Variants in CDH23 observed in about 807,000 individuals in gnomAD.
The protein encoded by CDH23 is cadherin-23.
Under a neutral mutation model 317.1 loss-of-function variants are expected in CDH23, and 189 were observed. That is an observed-to-expected ratio of 0.60 (90% CI 0.53 to 0.67). The LOEUF is 0.67. Among genes scored for constraint, CDH23 ranks in the 30% least tolerant of loss-of-function variants. The pLI is 0.00. For synonymous variants in CDH23, 1,839 were observed against 1,876.8 expected (o/e 0.98, Z 0.52); for missense variants, 4,401 against 4,592.4 (o/e 0.96, Z 1.20).
At chr10:71,664,908 T>C (rs190964693) in intron 14 of CDH23, among the ~76,000 whole-genome samples, 1,440 of 140,892 alleles carry the variant, frequency 0.01, 29 homozygotes, top group African/African-American at 0.036. Flanking sequence ...TCTTCCTTTA[T>C]CTCTCCCCCA....
Position 71,812,706 on chromosome 10 carries a change from C to T in CDH23, c.9511-62C>T. On this transcript the variant is annotated intron_variant, in intron 67 of 69. Transcript: ENST00000224721. ...GAAGCTGGGTTCTTTAAGGGGTGGC[C>T]CCCTCCCTTGTACATGTGTGTGGGG... 3 of 1,611,980 alleles carry T rather than the reference C, an allele frequency of 1.9e-6. No homozygotes were observed. The Middle Eastern group carries it at 5.0e-4, about 266-fold the overall frequency.
At chr10:71,806,030 C>T (rs371710351) in intron 56 of CDH23, 33 bp downstream of exon 56, 28 of 617,056 alleles carry the variant, frequency 4.5e-5, no homozygotes, top group East Asian at 5.6e-5. Flanking sequence ...GGGGCGGGGT[C>T]TGGGGCGGGG....
chr10:71,772,052 G>A (rs1447363473), intron 38 of CDH23, among the ~76,000 whole-genome samples: 1 of 152,188 alleles, frequency 6.6e-6, no homozygotes, highest in African/African-American at 2.4e-5. Context: ...CCTGCCATGA[G>A]CCATGGCCTT....
rs1328544420 is a variant in CDH23 at position 71,675,101 on chromosome 10, C to T, written c.1450-11C>T. The T allele has an allele frequency of 6.2e-6, 10 of 1,613,370 alleles. No homozygotes were observed. Among genetic ancestry groups the T allele is most frequent in the African/African-American group, 4.0e-5 (3 of 75,034 alleles). The stretch of plus-strand genomic sequence containing the variant: ...CCTGGCAGTAATGACTTCTTGTTCT[C>T]GCTGTTGCAGGCAACTGACAATGAT... On this transcript the variant is annotated splice_polypyrimidine_tract_variant and intron_variant, in intron 14 of 69. Coordinates refer to ENST00000224721, the MANE Select transcript of CDH23 (RefSeq NM_022124.6).
chr10:71,438,238 G>C (rs576564814), intron 1 of CDH23, among the ~76,000 whole-genome samples: 2 of 151,642 alleles, frequency 1.3e-5, no homozygotes, highest in African/African-American at 4.8e-5. Flanking sequence ...AGCTACTCGG[G>C]GGGGCTGAGG....
chr10:71,712,927 G>A, intron 28 of CDH23, 114 bp downstream of exon 28: 1 of 1,280,450 alleles, frequency 7.8e-7, no homozygotes, highest in Non-Finnish European at 1.1e-6. Flanking sequence ...GGGGGCCCAG[G>A]GTGGGTCCGC....
chr10:71,773,949 A>G (rs1010186570), intron 38 of CDH23, among the ~76,000 whole-genome samples: 2 of 151,946 alleles, frequency 1.3e-5, no homozygotes, highest in Admixed American at 6.5e-5. Flanking sequence ...GAGTGAGTAA[A>G]TGAGTGAATG....
rs746527322 is a variant in CDH23, at chr10:71,741,900, C to T, written c.4824C>T (p.Asp1608=). ...SFYHLVATVE[D]EGTPTLSATT... ...ACCACCTGGTGGCCACTGTGGAGGA[C>T]GAGGGCACCCCAACCCTGTCGGTGA... Residue 1608 remains aspartate (D), a synonymous_variant, in exon 38 of 70, where the codon GAC becomes GAT. Transcript: ENST00000224721. 2.1e-5 allele frequency: 33 copies of T among 1,604,486 alleles called. No homozygotes were observed. The highest frequency in any genetic ancestry group is 1.8e-4 in the South Asian group (16 of 89,412).
intron 3 of CDH23, among the ~76,000 whole-genome samples, chr10:71,458,857 G>A (rs189509835): frequency 3.2e-4 from 49 of 152,172 alleles, no homozygotes; most frequent in Middle Eastern, 3.4e-3. Context: ...GCGCGATCTC[G>A]GCTCACTGCA....
chr10:71,511,278 T>A, intron 6 of CDH23, 66 bp downstream of exon 6: 1 of 1,392,098 alleles, frequency 7.2e-7, no homozygotes, highest in Non-Finnish European at 1.0e-6. Context: ...CACCATGGTG[T>A]AGGTGAAGAG....
intron 48 of CDH23, chr10:71,795,888 C>T: frequency 1.0e-6 from 1 of 986,660 alleles, no homozygotes; most frequent in Non-Finnish European, 1.2e-6. Context: ...TTCTCTGCCT[C>T]ACCCCATTGC....
intron 27 of CDH23, chr10:71,712,417 T>TC: frequency 2.2e-6 from 1 of 464,536 alleles, no homozygotes; most frequent in Admixed American, 3.5e-5. Context: ...CAGTAAAGTG[T>TC]CTGCTTCATG....
At chr10:71,548,648 A>C (rs1448735603) in intron 6 of CDH23, among the ~76,000 whole-genome samples, 1 of 152,218 alleles carries the variant, frequency 6.6e-6, no homozygotes, top group African/African-American at 2.4e-5. Context: ...ACAGAGACAG[A>C]GGGAAAAAGG....
At chr10:71,638,647 G>A (rs1026697076) in intron 11 of CDH23, among the ~76,000 whole-genome samples, 12 of 152,178 alleles carry the variant, frequency 7.9e-5, no homozygotes, top group South Asian at 2.1e-4. Flanking sequence ...GTTAAGTAGC[G>A]GAAATATCAC....
chr10:71,815,102 C>T lies in CDH23; in HGVS notation c.9889C>T (p.Leu3297Phe). 6.2e-7 allele frequency: 1 copy of T among 1,611,288 alleles called. No individual in the cohort carries two copies. Residue 3297 changes from leucine to phenylalanine, a missense_variant, in exon 70 of 70, where the codon CTC becomes TTC. Leu to Phe is a conservative substitution (Grantham distance 22). Around this residue, in one of 3 missense-constraint regions of CDH23, gnomAD observed 1,144 missense variants for 1,138.2 expected, o/e 1.01. Transcript: ENST00000224721. ...GSTGTLLATD[L>F]NSLPEEDQKG... is the part of the protein sequence containing the mutation. Reference sequence around the variant, plus strand: ...CACGGGCACGCTGCTGGCCACCGACCTCAACAGCCTGCCCGAGGAAGACCA... The same window carrying T: ...CACGGGCACGCTGCTGGCCACCGACTTCAACAGCCTGCCCGAGGAAGACCA...
chr10:71,815,085 C>A lies in CDH23; in HGVS notation c.9872C>A (p.Thr3291Lys). The A allele has an allele frequency of 6.2e-7, 1 of 1,611,198 alleles. No homozygotes were observed. Among genetic ancestry groups the A allele is most frequent in the Non-Finnish European group, 8.5e-7 (1 of 1,179,114 alleles). The part of the protein sequence containing the change: ...GIHVVHGSTG[T>K]LLATDLNSLP... ...CATGTGGTGCACGGCAGCACGGGCA[C>A]GCTGCTGGCCACCGACCTCAACAGC... Residue 3291 changes from threonine (T) to lysine (K), a missense_variant, in exon 70 of 70, where the codon ACG becomes AAG. By Grantham distance (78) the Thr-to-Lys change is moderately conservative. Transcript: ENST00000224721.
intron 14 of CDH23, among the ~76,000 whole-genome samples, chr10:71,667,359 A>AGAGAGAGTGTGTGTGTGT (rs58361666): frequency 8.1e-4 from 91 of 112,096 alleles, no homozygotes; most frequent in East Asian, 7.9e-3. Flanking sequence ...AGAGAGAGAG[A>AGAGAGAGTGTGTGTGTGT]GTGTGTGTGT....
chr10:71,525,227 CT>C (rs1413580747), intron 6 of CDH23, among the ~76,000 whole-genome samples: 2 of 152,250 alleles, frequency 1.3e-5, no homozygotes, highest in East Asian at 1.9e-4. Flanking sequence ...TTTTAGCCCC[CT>C]GAGGCCCATG....
chr10:71,555,812 G>A (rs181025139), intron 6 of CDH23, among the ~76,000 whole-genome samples: 165 of 152,326 alleles, frequency 1.1e-3, no homozygotes, highest in South Asian at 1.9e-3. Context: ...CTGAGAAGAA[G>A]GGAGGGAGGC....
Sources: allele counts gnomAD v4.1 joint callset (sites outside exome capture counted in the v4.1 genomes callset), GRCh38; gene constraint gnomAD v4.1.1; regional missense constraint gnomAD v4.1.1; transcripts MANE v1.5; gene names NCBI Gene and HGNC (gene_info 2026-07-23, HGNC 2026-07-21).